TSHZ2: variants seen among roughly 807,000 people sequenced by gnomAD.
TSHZ2 encodes teashirt homolog 2.
In TSHZ2, 21 loss-of-function variants were observed where a neutral mutation model predicts 74.4. The observed-to-expected ratio is 0.28, with a 90% CI of 0.20 to 0.41. TSHZ2 has a LOEUF of 0.41. Ranked by LOEUF, TSHZ2 falls within the 10% of genes least tolerant of loss-of-function variation. The pLI is 1.00. For missense variants in TSHZ2, 1,244 were observed against 1,293.5 expected (o/e 0.96, Z 0.59); for synonymous variants, 540 against 515.3 (o/e 1.05, Z -0.65).
chr20:53,050,223 A>T (rs1242306907), intron 1 of TSHZ2, among the ~76,000 whole-genome samples: 3 of 148,290 alleles, frequency 2.0e-5, no homozygotes, highest in African/African-American at 7.5e-5. Flanking sequence ...ATGAATGTTT[A>T]TATATAGTGG....
intron 1 of TSHZ2, among the ~76,000 whole-genome samples, chr20:53,006,866 T>C (rs566088446): frequency 3.9e-5 from 6 of 151,916 alleles, no homozygotes; most frequent in South Asian, 2.1e-4. Flanking sequence ...GGGTCAAACA[T>C]GAATAAAAAA....
intron 2 of TSHZ2, among the ~76,000 whole-genome samples, chr20:53,337,840 G>C (rs1980018020): frequency 6.6e-6 from 1 of 152,176 alleles, no homozygotes; most frequent in Non-Finnish European, 1.5e-5. Flanking sequence ...AAAATATTTA[G>C]AAAGTGCCTT....
chr20:53,246,269 C>T (rs935549591), intron 1 of TSHZ2, among the ~76,000 whole-genome samples: 5 of 152,068 alleles, frequency 3.3e-5, no homozygotes, highest in Non-Finnish European at 7.4e-5. Flanking sequence ...TCTCAAACTC[C>T]TGACCTCATG....
Position 53,228,998 on chromosome 20 carries a change from A to G in TSHZ2, c.41-24501A>G, listed in dbSNP as rs78903244. ...TCATTCTTCAGATCAGTTTTCTAGA[A>G]TGATTTTGACCCATACTCGGGAGTC... On this transcript the variant is annotated intron_variant, in intron 1 of 2. Coordinates refer to ENST00000371497, the MANE Select transcript of TSHZ2 (RefSeq NM_173485.6). 3.9e-4 allele frequency among the ~76,000 whole-genome samples: 59 copies of G among 152,288 alleles called. No individual in the cohort carries two copies. In the East Asian group the frequency reaches 0.011, roughly 29 times the overall value.
At position 52,982,997 on chromosome 20, in the gene TSHZ2, C is replaced by T. The variant is rs143710392; in HGVS notation, c.40+9664C>T. On this transcript the variant is annotated intron_variant, in intron 1 of 2. Transcript: ENST00000371497. ...TGATGGACTTGGGCATGTTTGCTCT[C>T]TCCGTCTACTTACCCAGCCCCTAGT... Among the ~76,000 whole-genome samples, 594 of 152,300 alleles carry T rather than the reference C, an allele frequency of 3.9e-3. 4 individuals carry two copies. The highest frequency in any genetic ancestry group is 0.013 in the African/African-American group (561 of 41,556).
intron 2 of TSHZ2, chr20:53,412,960 AC>A: frequency 6.6e-6 from 1 of 151,384 alleles, no homozygotes. Flanking sequence ...TTCTTAACCC[AC>A]CCCCGGTATT....
At chr20:53,248,983 G>A (rs1269183655) in intron 1 of TSHZ2, among the ~76,000 whole-genome samples, 4 of 151,680 alleles carry the variant, frequency 2.6e-5, no homozygotes, top group South Asian at 2.1e-4. Context: ...GATTACAAGC[G>A]TGTGCCACCA....
chr20:53,318,705 A>G (rs1979125888), intron 2 of TSHZ2, among the ~76,000 whole-genome samples: 1 of 152,198 alleles, frequency 6.6e-6, no homozygotes, highest in Admixed American at 6.5e-5. Flanking sequence ...GCTGGGCACC[A>G]TGCTTGGCAA....
At chr20:53,275,101 A>G (rs553190409) in intron 2 of TSHZ2, among the ~76,000 whole-genome samples, 43 of 152,150 alleles carry the variant, frequency 2.8e-4, no homozygotes, top group Non-Finnish European at 5.0e-4. Context: ...GGGGAAAAGT[A>G]CCCTAATATA....
At chr20:53,070,101 A>T (rs974455345) in intron 1 of TSHZ2, among the ~76,000 whole-genome samples, 1 of 152,164 alleles carries the variant, frequency 6.6e-6, no homozygotes, top group Non-Finnish European at 1.5e-5. Context: ...AGCAAGAAAA[A>T]CTTCATGAAA....
At chr20:53,178,695 A>T (rs1376157571) in intron 1 of TSHZ2, 4 of 152,234 alleles carry the variant, frequency 2.6e-5, no homozygotes, top group African/African-American at 9.6e-5. Context: ...TTAAGGAAAT[A>T]GTCATCACCA....
At chr20:53,003,662 T>C (rs1332625968) in intron 1 of TSHZ2, among the ~76,000 whole-genome samples, 1 of 152,182 alleles carries the variant, frequency 6.6e-6, no homozygotes, top group African/African-American at 2.4e-5. Flanking sequence ...TTAGGCATAC[T>C]TAATCAAAAT....
intron 2 of TSHZ2, among the ~76,000 whole-genome samples, chr20:53,362,341 C>A (rs1026314101): frequency 6.6e-6 from 1 of 152,004 alleles, no homozygotes; most frequent in Non-Finnish European, 1.5e-5. Context: ...CCCGCCACCA[C>A]GCCTGACTAA....
At chr20:52,998,525 C>T (rs902575185) in intron 1 of TSHZ2, among the ~76,000 whole-genome samples, 2 of 152,276 alleles carry the variant, frequency 1.3e-5, no homozygotes, top group Middle Eastern at 3.4e-3. Flanking sequence ...TATATTAGCC[C>T]AAGGGTTACT....
chr20:53,304,568 C>T (rs953382994), intron 2 of TSHZ2, among the ~76,000 whole-genome samples: 55 of 152,258 alleles, frequency 3.6e-4, no homozygotes, highest in African/African-American at 1.3e-3. Flanking sequence ...CAAACCTAAA[C>T]TCAGCCCACA....
chr20:52,974,232 C>A (rs1217620919), intron 1 of TSHZ2, among the ~76,000 whole-genome samples: 1 of 152,132 alleles, frequency 6.6e-6, no homozygotes, highest in African/African-American at 2.4e-5. Flanking sequence ...GCCAGACCCA[C>A]CCACTGAAAA....
At chr20:53,434,164 C>G (rs1253832815) in intron 2 of TSHZ2, among the ~76,000 whole-genome samples, 1 of 152,206 alleles carries the variant, frequency 6.6e-6, no homozygotes, top group Admixed American at 6.5e-5. Flanking sequence ...GCCACCACAC[C>G]CAGCTGGAAT....
intron 2 of TSHZ2, among the ~76,000 whole-genome samples, chr20:53,329,323 A>T (rs947099498): frequency 6.6e-6 from 1 of 151,832 alleles, no homozygotes; most frequent in African/African-American, 2.4e-5. Flanking sequence ...GTACCCTGTT[A>T]ATCACAAAAT....
At chr20:53,078,988 C>T (rs538694776) in intron 1 of TSHZ2, among the ~76,000 whole-genome samples, 12 of 152,140 alleles carry the variant, frequency 7.9e-5, no homozygotes, top group East Asian at 3.9e-4. Flanking sequence ...TGGCAGTGGA[C>T]GAGCATGTTT....
Sources: allele counts gnomAD v4.1 joint callset (sites outside exome capture counted in the v4.1 genomes callset), GRCh38; gene constraint gnomAD v4.1.1; transcripts MANE v1.5; gene names NCBI Gene and HGNC (gene_info 2026-07-23, HGNC 2026-07-21).